Variants in KCNQ3 observed in about 807,000 individuals in gnomAD.
KCNQ3 encodes potassium voltage-gated channel subfamily KQT member 3.
Under a neutral mutation model 92.5 loss-of-function variants are expected in KCNQ3, and 30 were observed. That is an observed-to-expected ratio of 0.32 (90% CI 0.24 to 0.44). The LOEUF (loss-of-function observed/expected upper bound fraction) is 0.44, where lower values mean the gene tolerates loss of function less well. KCNQ3 is among the 20% of genes least tolerant of loss of function. KCNQ3 has a pLI of 1.00. For synonymous variants in KCNQ3, 450 were observed against 468.8 expected (o/e 0.96, Z 0.52); for missense variants, 913 against 1,140.3 (o/e 0.80, Z 2.87).
chr8:132,300,935 G>C (rs1430668085), intron 1 of KCNQ3, among the ~76,000 whole-genome samples: 3 of 152,142 alleles, frequency 2.0e-5, no homozygotes, highest in Admixed American at 1.3e-4. Context: ...CTAGCATCAA[G>C]ATGGTGATAA....
chr8:132,478,720 T>G (rs1249892037), intron 1 of KCNQ3, among the ~76,000 whole-genome samples: 2 of 151,856 alleles, frequency 1.3e-5, no homozygotes, highest in African/African-American at 2.4e-5. Flanking sequence ...CCACCCTTCC[T>G]GCTGGTTCCT....
chr8:132,429,321 G>A (rs368930958), intron 1 of KCNQ3, among the ~76,000 whole-genome samples: 1 of 152,208 alleles, frequency 6.6e-6, no homozygotes, highest in African/African-American at 2.4e-5. Flanking sequence ...TGAATCTCTG[G>A]GCGAGGCAGA....
At position 132,480,659 on chromosome 8, in the gene KCNQ3, C is replaced by A; in HGVS notation, c.-127G>T. ...GGGAACTCCAATGCCATGATCCGCG[C>A]GCCCCTCCCCACCCCCCCCCAAAAG... On this transcript the variant is annotated 5_prime_UTR_variant, in exon 1 of 15. Transcript: ENST00000388996. 1 of 991,370 alleles carries A rather than the reference C, an allele frequency of 1.0e-6. No homozygotes were observed. The highest frequency in any genetic ancestry group is 2.9e-5 in the South Asian group (1 of 34,104). The allele number at this position is 991,370 out of a possible 1,614,324, so 61.4% of individuals were successfully genotyped here.
intron 1 of KCNQ3, among the ~76,000 whole-genome samples, chr8:132,231,140 A>C (rs559249341): frequency 6.6e-6 from 1 of 152,218 alleles, no homozygotes; most frequent in African/African-American, 2.4e-5. Context: ...AAACAGCAGA[A>C]GCTGGGAAGG....
chr8:132,269,780 T>G (rs146761627), intron 1 of KCNQ3, among the ~76,000 whole-genome samples: 1,730 of 152,280 alleles, frequency 0.011, 14 homozygotes, highest in Non-Finnish European at 0.019. Flanking sequence ...CAGTAGCCCT[T>G]ATATATTTCT....
At chr8:132,180,121 G>A in intron 4 of KCNQ3, 36 bp downstream of exon 4, 1 of 1,610,950 alleles carries the variant, frequency 6.2e-7, no homozygotes, top group Non-Finnish European at 8.5e-7. Flanking sequence ...TGGGTGGGAA[G>A]CCCATGTGGT....
intron 1 of KCNQ3, among the ~76,000 whole-genome samples, chr8:132,278,392 G>A (rs75724400): frequency 2.0e-3 from 304 of 152,318 alleles, no homozygotes; most frequent in African/African-American, 6.8e-3. Flanking sequence ...CCAGTGCTGC[G>A]TCGACACATG....
intron 10 of KCNQ3, 37 bp from the exon 11 acceptor site, chr8:132,140,215 G>A: frequency 6.5e-7 from 1 of 1,529,432 alleles, no homozygotes; most frequent in African/African-American, 1.4e-5. Context: ...GCAGGCCACA[G>A]ACCTGGAAAA....
At chr8:132,277,428 T>G (rs1001534711) in intron 1 of KCNQ3, among the ~76,000 whole-genome samples, 1 of 152,150 alleles carries the variant, frequency 6.6e-6, no homozygotes, top group Non-Finnish European at 1.5e-5. Context: ...TCACAGATAG[T>G]GTGGAGGAGC....
chr8:132,318,725 G>T (rs574893256), intron 1 of KCNQ3, among the ~76,000 whole-genome samples: 1 of 152,240 alleles, frequency 6.6e-6, no homozygotes, highest in African/African-American at 2.4e-5. Context: ...AATGCTAAAA[G>T]GAAGGGAACG....
rs76324498 is a variant in KCNQ3 at position 132,149,392 on chromosome 8, T to G, written c.1263-8061A>C. Among the ~76,000 whole-genome samples the G allele has an allele frequency of 4.4e-3, 675 of 152,286 alleles. 3 individuals are homozygous for G. Among genetic ancestry groups the G allele is most frequent in the African/African-American group, 0.015 (635 of 41,556 alleles). On this transcript the variant is annotated intron_variant, in intron 9 of 14. Coordinates refer to ENST00000388996, the MANE Select transcript of KCNQ3 (RefSeq NM_004519.4). The stretch of plus-strand genomic sequence containing the variant: ...GCTTTGCTGAGTGGTTTTTCCTTTT[T>G]CCTTTTGCCCACTAAGTTCCGTAAC...
intron 1 of KCNQ3, among the ~76,000 whole-genome samples, chr8:132,466,478 C>T (rs1165245135): frequency 1.3e-5 from 2 of 152,190 alleles, no homozygotes; most frequent in Non-Finnish European, 2.9e-5. Context: ...CCCCCAGGAG[C>T]ACCGCTTAGG....
At chr8:132,229,608 T>C (rs1253807393) in intron 1 of KCNQ3, among the ~76,000 whole-genome samples, 2 of 151,946 alleles carry the variant, frequency 1.3e-5, no homozygotes, top group Non-Finnish European at 2.9e-5. Context: ...AAACACAGGT[T>C]GGAACTCCTA....
rs545394134 is a variant in KCNQ3 at position 132,410,043 on chromosome 8, C to T, written c.386+70104G>A. 3.9e-5 allele frequency among the ~76,000 whole-genome samples: 6 copies of T among 152,286 alleles called. No individual in the cohort carries two copies. In the South Asian group the frequency reaches 1.0e-3, roughly 26 times the overall value. On this transcript the variant is annotated intron_variant, in intron 1 of 14. Transcript: ENST00000388996. The stretch of plus-strand genomic sequence containing the variant: ...ACTCAGGAGGATGAGGCAAGAGGAT[C>T]GCTTGAGCCCAGGAGGTCATGGCTG...
intron 8 of KCNQ3, among the ~76,000 whole-genome samples, chr8:132,168,569 G>T (rs1826207519): frequency 6.6e-6 from 1 of 152,124 alleles, no homozygotes; most frequent in South Asian, 2.1e-4. Flanking sequence ...ATCTTTCAGG[G>T]TCCTGGAGGT....
At chr8:132,192,427 T>G (rs1827187477) in intron 1 of KCNQ3, among the ~76,000 whole-genome samples, 1 of 152,222 alleles carries the variant, frequency 6.6e-6, no homozygotes, top group African/African-American at 2.4e-5. Context: ...TCAGTCCCAC[T>G]GATGGACAAG....
chr8:132,345,602 T>C (rs1048382460), intron 1 of KCNQ3, among the ~76,000 whole-genome samples: 1 of 152,242 alleles, frequency 6.6e-6, no homozygotes, highest in African/African-American at 2.4e-5. Context: ...CAACATCTGG[T>C]TTGAATACTG....
intron 1 of KCNQ3, among the ~76,000 whole-genome samples, chr8:132,369,436 G>A (rs1819410101): frequency 6.6e-6 from 1 of 152,132 alleles, no homozygotes; most frequent in African/African-American, 2.4e-5. Flanking sequence ...CAGTAGCAAT[G>A]AGCATACCCA....
At chr8:132,136,370 C>T (rs1825093483) in intron 12 of KCNQ3, among the ~76,000 whole-genome samples, 1 of 152,044 alleles carries the variant, frequency 6.6e-6, no homozygotes, top group Non-Finnish European at 1.5e-5. Flanking sequence ...GACTGTTATT[C>T]CATGGCTATT....
Sources: gnomAD v4.1 joint callset for allele counts (sites outside exome capture counted in the v4.1 genomes callset) on GRCh38, gnomAD v4.1.1 for gene constraint, MANE v1.5 for transcripts, NCBI Gene and HGNC (gene_info 2026-07-23, HGNC 2026-07-21) for gene names.